NCAN: variants seen among roughly 807,000 people sequenced by gnomAD.
NCAN encodes the protein neurocan core protein.
NCAN carries 47 observed loss-of-function variants against 121.8 expected under a neutral mutation model. The observed-to-expected ratio is 0.39, with a 90% CI of 0.31 to 0.49. NCAN has a LOEUF of 0.49. Ranked by LOEUF, NCAN falls within the 20% of genes least tolerant of loss-of-function variation. The probability of loss-of-function intolerance (pLI) is 0.92; values close to 1 mark genes in which losing one functional copy is unlikely to be tolerated. For synonymous variants in NCAN, 633 were observed against 702.0 expected, an observed-to-expected ratio of 0.90 and a Z score of 1.55; for missense variants, 1,517 against 1,773.4, an observed-to-expected ratio of 0.86 and a Z score of 2.60.
In NCAN at chr19:19,225,103, A is replaced by C. The variant is rs1395094164; in HGVS notation, c.905A>C (p.Asp302Ala). 6.5e-7 allele frequency: 1 copy of C among 1,534,990 alleles called. No homozygotes were observed. ...CACCTGGCCTGGCATGAGGGCCTGGACCAGTGCGACCCGGGCTGGCTGGCC... is the reference window on the plus strand; with the variant it reads ...CACCTGGCCTGGCATGAGGGCCTGGCCCAGTGCGACCCGGGCTGGCTGGCC... The part of the protein sequence containing the change: ...QLHLAWHEGL[D>A]QCDPGWLADG... The change falls in exon 6 of 15, where the codon GAC becomes GCC. Residue 302 changes from aspartate (D) to alanine (A), a missense_variant. Asp to Ala is a moderately radical substitution (Grantham distance 126). Transcript: ENST00000252575. The surrounding 1 kb of genome is among the most constrained non-coding windows in gnomAD (Gnocchi z 4.0).
Position 19,225,113 on chromosome 19 carries a change from C to G in NCAN, c.915C>G (p.Asp305Glu). ...GGCATGAGGGCCTGGACCAGTGCGACCCGGGCTGGCTGGCCGACGGCAGCG... is the reference window on the plus strand; with the variant it reads ...GGCATGAGGGCCTGGACCAGTGCGAGCCGGGCTGGCTGGCCGACGGCAGCG... ...LAWHEGLDQC[D>E]PGWLADGSVR... Residue 305 changes from aspartate to glutamate, a missense_variant, in exon 6 of 15, where the codon GAC (aspartate) becomes GAG (glutamate). By Grantham distance (45) the Asp-to-Glu change is conservative. Transcript: ENST00000252575. The surrounding 1 kb of genome is among the most constrained non-coding windows in gnomAD (Gnocchi z 4.0). 6.5e-7 allele frequency: 1 copy of G among 1,533,568 alleles called. No individual in the cohort carries two copies. 95.0% of individuals were successfully genotyped at this position (1,533,568 alleles called of 1,614,324 possible).
Position 19,227,173 on chromosome 19 carries a change from T to C in NCAN, c.1660+100T>C, listed in dbSNP as rs1489213396. On this transcript the variant is annotated intron_variant, in intron 7 of 14. Coordinates refer to ENST00000252575, the MANE Select transcript of NCAN (RefSeq NM_004386.3). The surrounding 1 kb of genome is among the most constrained non-coding windows in gnomAD (Gnocchi z 4.2). ...TCAGAATGAGGGAGGAAGCTCCAAA[T>C]CCCAGCTGGGTCCTCTGGCCCCAGA... is the stretch of plus-strand genomic sequence containing the variant. 6 of 1,491,752 alleles carry C rather than the reference T, an allele frequency of 4.0e-6. No homozygotes were observed. Among genetic ancestry groups the C allele is most frequent in the Non-Finnish European group, 5.3e-6 (6 of 1,122,404 alleles). The allele number at this position is 1,491,752 out of a possible 1,614,324, so 92.4% of individuals were successfully genotyped here.
At chr19:19,226,419 A>C in intron 6 of NCAN, 67 bp from the exon 7 acceptor site, 1 of 1,218,932 alleles carries the variant, frequency 8.2e-7, no homozygotes, top group Non-Finnish European at 1.2e-6. Context: ...GAAAGTGGGT[A>C]GACTTCAAGC....
rs373677142 is a variant in NCAN at position 19,227,354 on chromosome 19, C to T, written c.1734C>T (p.Gly578=). 2 of 1,612,816 alleles carry T rather than the reference C, an allele frequency of 1.2e-6. No individual in the cohort carries two copies. Among genetic ancestry groups the T allele is most frequent in the African/African-American group, 1.3e-5 (1 of 74,900 alleles). The change falls in exon 8 of 15, where the codon GGC becomes GGT. Residue 578 remains glycine, a synonymous_variant. Transcript: ENST00000252575. This position sits in a 1 kb window ranked among gnomAD's most constrained non-coding sequence, Gnocchi z 4.2. ...PPTMVPPSIS[G]HSRAPVLELE... The stretch of plus-strand genomic sequence containing the variant: ...CCATGGTCCCACCCAGCATCTCAGG[C>T]CACAGCAGGGCCCCTGTCCTGGAGC...
chr19:19,218,159 T>G (rs112493422), intron 2 of NCAN, among the ~76,000 whole-genome samples: 9 of 151,746 alleles, frequency 5.9e-5, no homozygotes, highest in African/African-American at 2.2e-4. Context: ...ACACCTGTAA[T>G]CCCAGCTACT....
chr19:19,249,290 C>T (rs903724981), intron 14 of NCAN, among the ~76,000 whole-genome samples: 2 of 152,062 alleles, frequency 1.3e-5, no homozygotes, highest in South Asian at 2.1e-4. Context: ...AGGCTGATCT[C>T]GAACTCCTGA....
intron 2 of NCAN, 47 bp from the exon 3 acceptor site, chr19:19,218,868 G>A (rs1482547537): frequency 6.9e-7 from 1 of 1,445,244 alleles, no homozygotes; most frequent in East Asian, 2.5e-5. Context: ...GTCCCTGCTT[G>A]GTTCTTGCCT....
intron 10 of NCAN, among the ~76,000 whole-genome samples, chr19:19,235,469 G>A (rs920881143): frequency 6.7e-6 from 1 of 150,272 alleles, no homozygotes; most frequent in Non-Finnish European, 1.5e-5. Flanking sequence ...ATGGGGTTTT[G>A]CTATGTTGGC....
chr19:19,239,827 C>CT, intron 11 of NCAN, among the ~76,000 whole-genome samples: 1 of 135,566 alleles, frequency 7.4e-6, no homozygotes, highest in Non-Finnish European at 1.6e-5. Flanking sequence ...CCCCATTCAT[C>CT]TCCCACTCTT....
In NCAN at chr19:19,250,440, C is replaced by T. The variant is rs183718651; in HGVS notation, c.*529C>T. 3.3e-6 allele frequency: 1 copy of T among 299,592 alleles called. No individual in the cohort carries two copies. Among genetic ancestry groups the T allele is most frequent in the African/African-American group, 2.2e-5 (1 of 45,600 alleles). 18.6% of individuals were successfully genotyped at this position (299,592 alleles called of 1,614,324 possible). A position where few individuals can be genotyped will look rare whatever the true frequency, so the allele number is the denominator to read the frequency against. ...GCTCTCCCTTTACCCTGGACTTCAG[C>T]CCAAGTTCCGTCTTTGGTCTTGGTG... On this transcript the variant is annotated 3_prime_UTR_variant, in exon 15 of 15. Coordinates refer to ENST00000252575, the MANE Select transcript of NCAN (RefSeq NM_004386.3).
intron 10 of NCAN, 55 bp from the exon 11 acceptor site, chr19:19,238,198 T>A (rs755453963): frequency 1.0e-4 from 164 of 1,609,048 alleles, no homozygotes; most frequent in Non-Finnish European, 1.4e-4. Flanking sequence ...TGCTCATGGC[T>A]GGTAGGCCTT....
Position 19,250,220 on chromosome 19 carries a change from G to A in NCAN, c.*309G>A. 2 of 561,552 alleles carry A rather than the reference G, an allele frequency of 3.6e-6. No homozygotes were observed. The highest frequency in any genetic ancestry group is 1.5e-5 in the South Asian group (1 of 65,070). 34.8% of individuals were successfully genotyped at this position (561,552 alleles called of 1,614,324 possible). A position where few individuals can be genotyped will look rare whatever the true frequency, so the allele number is the denominator to read the frequency against. ...GGTCTGGTCTCTTGTTTGCCAGGCT[G>A]ATTGAAGCAGGCCTTGATGAGGGTG... On this transcript the variant is annotated 3_prime_UTR_variant, in exon 15 of 15. Coordinates refer to ENST00000252575, the MANE Select transcript of NCAN (RefSeq NM_004386.3).
chr19:19,223,344 G>A (rs1242295740), intron 3 of NCAN, among the ~76,000 whole-genome samples: 2 of 152,068 alleles, frequency 1.3e-5, no homozygotes, highest in East Asian at 3.9e-4. Context: ...TTCTGGTTCT[G>A]TTTCTTATTT....
In NCAN at chr19:19,225,416, G is replaced by A. The variant is rs972871632; in HGVS notation, c.1072+146G>A. On this transcript the variant is annotated intron_variant, in intron 6 of 14. Transcript: ENST00000252575. The surrounding 1 kb of genome is among the most constrained non-coding windows in gnomAD (Gnocchi z 4.0). Reference sequence around the variant, plus strand: ...TCCCTGGGTGAGGGCCACGCCCCCGGGTGAAGGCCACACCCGTTACGACAA... The same window carrying A: ...TCCCTGGGTGAGGGCCACGCCCCCGAGTGAAGGCCACACCCGTTACGACAA... 24 of 1,056,800 alleles carry A rather than the reference G, an allele frequency of 2.3e-5. No individual in the cohort carries two copies. The Admixed American group carries it at 4.6e-4, about 20-fold the overall frequency. 65.5% of individuals were successfully genotyped at this position (1,056,800 alleles called of 1,614,324 possible). A position where few individuals can be genotyped will look rare whatever the true frequency, so the allele number is the denominator to read the frequency against.
chr19:19,235,583 AT>A (rs531216196), intron 10 of NCAN, among the ~76,000 whole-genome samples: 83 of 123,234 alleles, frequency 6.7e-4, no homozygotes, highest in Admixed American at 1.0e-3. Context: ...ATTTTATTTT[AT>A]TTTTTTTTTT....
Position 19,228,492 on chromosome 19 carries a change from A to T in NCAN, c.2872A>T (p.Thr958Ser). 1.2e-6 allele frequency: 2 copies of T among 1,613,330 alleles called. No individual in the cohort carries two copies. Among genetic ancestry groups the T allele is most frequent in the Non-Finnish European group, 1.7e-6 (2 of 1,179,990 alleles). The stretch of plus-strand genomic sequence containing the variant: ...TACGGTACCGTGGGACCCCTCCAGC[A>T]CCCTGCTGCCTGTCACCCTGGGCAT... ...EPTVPWDPSS[T>S]LLPVTLGIED... The change falls in exon 8 of 15, where the codon ACC becomes TCC. Residue 958 changes from threonine to serine, a missense_variant. Transcript: ENST00000252575.
chr19:19,244,508 C>T (rs1418393732), intron 12 of NCAN, among the ~76,000 whole-genome samples: 1 of 151,870 alleles, frequency 6.6e-6, no homozygotes, highest in Non-Finnish European at 1.5e-5. Context: ...AGGGTTTCAC[C>T]TTGTTGTCCA....
chr19:19,249,662 T>C, intron 14 of NCAN, 104 bp from the exon 15 acceptor site: 6 of 1,491,350 alleles, frequency 4.0e-6, no homozygotes, highest in Non-Finnish European at 4.5e-6. Context: ...CCCTCGCGTC[T>C]GGCCTCTTTC....
chr19:19,219,758 A>T lies in NCAN; in HGVS notation c.475+442A>T, dbSNP rs556379924. ...CTTCTGATAAAGTCCTAAAGTCTTT[A>T]TGGTGCCTATAATCTGAGCACTTTG... On this transcript the variant is annotated intron_variant, in intron 3 of 14. Coordinates refer to ENST00000252575, the MANE Select transcript of NCAN (RefSeq NM_004386.3). 7.5e-5 allele frequency among the ~76,000 whole-genome samples: 11 copies of T among 147,520 alleles called. No homozygotes were observed. In the East Asian group the frequency reaches 2.3e-3, roughly 30 times the overall value.
Sources: gnomAD v4.1 joint callset for allele counts (sites outside exome capture counted in the v4.1 genomes callset) on GRCh38, gnomAD v4.1.1 for gene constraint, Gnocchi (gnomAD v3.1) non-coding constraint, MANE v1.5 for transcripts, NCBI Gene and HGNC (gene_info 2026-07-23, HGNC 2026-07-21) for gene names.